PTPRN2: variants seen among roughly 807,000 people sequenced by gnomAD.
The protein encoded by PTPRN2 is protein tyrosine phosphatase receptor type N2, also known as receptor-type tyrosine-protein phosphatase N2.
In PTPRN2, 74 loss-of-function variants were observed where a neutral mutation model predicts 118.8. That is an observed-to-expected ratio of 0.62 (90% CI 0.52 to 0.76). The LOEUF (loss-of-function observed/expected upper bound fraction) is 0.76. PTPRN2 is among the 30% of genes least tolerant of loss of function. The probability of loss-of-function intolerance (pLI) is 0.00; values close to 1 mark genes in which losing one functional copy is unlikely to be tolerated. For missense variants in PTPRN2, 1,481 were observed against 1,394.4 expected, an observed-to-expected ratio of 1.06 and a Z score of -0.99; for synonymous variants, 641 against 608.0, an observed-to-expected ratio of 1.05 and a Z score of -0.80.
At chr7:157,847,269 T>C (rs1258574492) in intron 12 of PTPRN2, among the ~76,000 whole-genome samples, 1 of 125,546 alleles carries the variant, frequency 8.0e-6, no homozygotes, top group Non-Finnish European at 1.7e-5. Context: ...CACTCCTTCA[T>C]ATGTGGCCAA....
chr7:157,881,917 A>G lies in PTPRN2; in HGVS notation c.1788+16756T>C, dbSNP rs968994954. Among the ~76,000 whole-genome samples the G allele has an allele frequency of 6.6e-5, 10 of 152,210 alleles. No homozygotes were observed. The highest frequency in any genetic ancestry group is 2.2e-4 in the African/African-American group (9 of 41,442). On this transcript the variant is annotated intron_variant, in intron 12 of 22. Transcript: ENST00000389418. This position sits in a 1 kb window ranked among gnomAD's most constrained non-coding sequence, Gnocchi z 4.7. Reference sequence around the variant, plus strand: ...TGTCTAGGGCCCTCCACCATCCATCAGTTTCTAATGTAGGAGATGAGAACA... The same window carrying G: ...TGTCTAGGGCCCTCCACCATCCATCGGTTTCTAATGTAGGAGATGAGAACA...
chr7:158,436,115 G>A (rs1432377881), intron 2 of PTPRN2, among the ~76,000 whole-genome samples: 1 of 152,174 alleles, frequency 6.6e-6, no homozygotes. Context: ...ACTTATTAGT[G>A]TAACACGCAT....
chr7:158,319,527 T>TCACACACACTCAGTCTCCCTCACA (rs1802691202), intron 2 of PTPRN2, among the ~76,000 whole-genome samples: 1 of 34,938 alleles, frequency 2.9e-5, no homozygotes, highest in Non-Finnish European at 5.2e-5. Context: ...ACAGCCTCCC[T>TCACACACACTCAGTCTCCCTCACA]CACACACACA....
chr7:158,579,243 G>A (rs975411342), intron 1 of PTPRN2, among the ~76,000 whole-genome samples: 2 of 152,210 alleles, frequency 1.3e-5, no homozygotes, highest in Non-Finnish European at 2.9e-5. Flanking sequence ...CTCTTTAAAA[G>A]GTAATGGCAA....
At chr7:157,789,904 G>GGTT (rs200744371) in intron 12 of PTPRN2, among the ~76,000 whole-genome samples, 2,749 of 150,598 alleles carry the variant, frequency 0.018, 79 homozygotes, top group South Asian at 0.12. Context: ...TGGTATGTGT[G>GGTT]GTGCTGTGTG....
intron 3 of PTPRN2, among the ~76,000 whole-genome samples, chr7:158,222,595 C>A (rs1434988372): frequency 1.3e-5 from 2 of 152,064 alleles, no homozygotes; most frequent in Non-Finnish European, 2.9e-5. Flanking sequence ...GGGAGGAAGA[C>A]GTGGGTTGAA....
chr7:157,670,859 A>G (rs1796374548), intron 13 of PTPRN2, among the ~76,000 whole-genome samples: 1 of 152,224 alleles, frequency 6.6e-6, no homozygotes, highest in Admixed American at 6.5e-5. Flanking sequence ...GAAACAAGTC[A>G]TCCGCCTTCA....
chr7:158,332,681 A>C (rs1804733538), intron 2 of PTPRN2, among the ~76,000 whole-genome samples: 1 of 145,424 alleles, frequency 6.9e-6, no homozygotes, highest in South Asian at 2.1e-4. Flanking sequence ...TCACACCCAC[A>C]CTCTAACCAT....
At chr7:158,230,851 T>C (rs1829120079) in intron 3 of PTPRN2, among the ~76,000 whole-genome samples, 1 of 152,222 alleles carries the variant, frequency 6.6e-6, no homozygotes, top group Non-Finnish European at 1.5e-5. Context: ...TTAAATGTAC[T>C]CAATTCTCCA....
At position 157,953,590 on chromosome 7, in the gene PTPRN2, C is replaced by T. The variant is rs1305255289; in HGVS notation, c.1724-54853G>A. On this transcript the variant is annotated intron_variant, in intron 11 of 22. Transcript: ENST00000389418. The surrounding 1 kb of genome is among the most constrained non-coding windows in gnomAD (Gnocchi z 4.6). ...GCTGGAGGTCCGGTGTCCCTAAAGA[C>T]TTCTATGACATCCTGACACTGCCCT... Among the ~76,000 whole-genome samples the T allele has an allele frequency of 6.6e-6, 1 of 152,096 alleles. No individual in the cohort carries two copies. The highest frequency in any genetic ancestry group is 2.4e-5 in the African/African-American group (1 of 41,416).
chr7:157,641,201 G>A (rs559132255), intron 14 of PTPRN2, among the ~76,000 whole-genome samples: 3 of 152,324 alleles, frequency 2.0e-5, no homozygotes, highest in African/African-American at 7.2e-5. Context: ...GTTATTAAAA[G>A]TATCAGGATA....
At chr7:157,750,798 G>T (rs1801417682) in intron 12 of PTPRN2, among the ~76,000 whole-genome samples, 1 of 152,220 alleles carries the variant, frequency 6.6e-6, no homozygotes. Context: ...GGAAACAGCT[G>T]GAAGGAAGGG....
chr7:157,708,097 TCCCTGTAAGCAGGACAGTGGC>T (rs1288879458), intron 12 of PTPRN2, among the ~76,000 whole-genome samples: 1 of 152,202 alleles, frequency 6.6e-6, no homozygotes, highest in Non-Finnish European at 1.5e-5. Flanking sequence ...CAAGGAAGGG[TCCCTGTAAGCAGGACAGTGGC>T]CTTCCAGGGC....
chr7:158,152,766 G>A (rs111726430), intron 6 of PTPRN2, among the ~76,000 whole-genome samples: 104 of 152,022 alleles, frequency 6.8e-4, no homozygotes, highest in African/African-American at 2.0e-3. Flanking sequence ...AGAGGAGCAC[G>A]TTGGCAAAAG....
intron 2 of PTPRN2, among the ~76,000 whole-genome samples, chr7:158,337,697 T>A (rs1170089345): frequency 6.7e-6 from 1 of 149,044 alleles, no homozygotes; most frequent in African/African-American, 2.5e-5. Flanking sequence ...ACACCCACAC[T>A]CTCACCATAA....
At chr7:157,748,210 G>A (rs566269778) in intron 12 of PTPRN2, among the ~76,000 whole-genome samples, 12 of 149,494 alleles carry the variant, frequency 8.0e-5, no homozygotes, top group African/African-American at 2.2e-4. Context: ...GCTGTGAGCT[G>A]TTGAGGTAAT....
In PTPRN2 at chr7:157,876,369, C is replaced by G. The variant is rs1015494587; in HGVS notation, c.1788+22304G>C. Among the ~76,000 whole-genome samples, 3 of 152,288 alleles carry G rather than the reference C, an allele frequency of 2.0e-5. No homozygotes were observed. In the East Asian group the frequency reaches 5.8e-4, roughly 29 times the overall value. On this transcript the variant is annotated intron_variant, in intron 12 of 22. Coordinates refer to ENST00000389418, the MANE Select transcript of PTPRN2 (RefSeq NM_002847.5). ...GAAGCCTGAATTAACCAGCAGCGGC[C>G]CCAGGACAGAGTCTGTCACCAGAGC... is the stretch of plus-strand genomic sequence containing the variant.
intron 5 of PTPRN2, among the ~76,000 whole-genome samples, chr7:158,178,323 A>C (rs1051230507): frequency 6.6e-6 from 1 of 152,134 alleles, no homozygotes; most frequent in Non-Finnish European, 1.5e-5. Flanking sequence ...TGTACCCAAT[A>C]TGTAGGTTTT....
At chr7:158,143,369 G>T (rs546108028) in intron 6 of PTPRN2, among the ~76,000 whole-genome samples, 10 of 152,200 alleles carry the variant, frequency 6.6e-5, no homozygotes, top group Non-Finnish European at 1.3e-4. Context: ...CAGCTGCAGG[G>T]AGACCTGAAG....
Sources: allele counts gnomAD v4.1 joint callset (sites outside exome capture counted in the v4.1 genomes callset), GRCh38; gene constraint gnomAD v4.1.1; non-coding constraint Gnocchi (gnomAD v3.1); transcripts MANE v1.5; gene names NCBI Gene and HGNC (gene_info 2026-07-23, HGNC 2026-07-21).